CLNK: variants seen among roughly 807,000 people sequenced by gnomAD.
CLNK encodes the protein cytokine dependent hematopoietic cell linker.
Under a neutral mutation model 68.6 loss-of-function variants are expected in CLNK, and 74 were observed. That is an observed-to-expected ratio of 1.08 (90% CI 0.89 to 1.31). The LOEUF is 1.31. CLNK is among the 50% of genes most tolerant of loss of function. The pLI is 0.00. For synonymous variants in CLNK, 198 were observed against 172.2 expected (o/e 1.15, Z -1.17); for missense variants, 553 against 515.3 (o/e 1.07, Z -0.71).
At chr4:10,588,562 C>T (rs1721069232) in intron 3 of CLNK, among the ~76,000 whole-genome samples, 1 of 152,136 alleles carries the variant, frequency 6.6e-6, no homozygotes, top group Non-Finnish European at 1.5e-5. Flanking sequence ...AAGATAGGTT[C>T]AACTCTGGCT....
At chr4:10,522,533 C>T (rs1183928968) in intron 14 of CLNK, among the ~76,000 whole-genome samples, 1 of 139,732 alleles carries the variant, frequency 7.2e-6, no homozygotes, top group Non-Finnish European at 1.5e-5. Flanking sequence ...GAGATCGTAC[C>T]ACTGCACCCC....
At chr4:10,551,805 G>A (rs1219143364) in intron 8 of CLNK, among the ~76,000 whole-genome samples, 2 of 151,420 alleles carry the variant, frequency 1.3e-5, no homozygotes, top group African/African-American at 2.4e-5. Flanking sequence ...TCCCCTCTAT[G>A]TAAAACTGCC....
intron 17 of CLNK, among the ~76,000 whole-genome samples, chr4:10,506,731 T>C (rs944570942): frequency 1.3e-5 from 2 of 152,234 alleles, no homozygotes; most frequent in Non-Finnish European, 2.9e-5. Flanking sequence ...CATGGGAAGT[T>C]ATTTAGAAAC....
At chr4:10,698,155 G>A in the CLNK span, among the ~76,000 whole-genome samples, 5 of 152,108 alleles carry the variant, frequency 3.3e-5, no homozygotes, top group African/African-American at 4.8e-5. Flanking sequence ...TGTCTATATA[G>A]TCATGTGTCT....
intron 2 of CLNK, among the ~76,000 whole-genome samples, chr4:10,660,429 T>C (rs868081999): frequency 1.5e-4 from 23 of 152,332 alleles, no homozygotes; most frequent in Middle Eastern, 3.4e-3. Context: ...AAATATCCAA[T>C]ACCATTTACC....
chr4:10,570,370 A>G (rs1252054433), intron 5 of CLNK, among the ~76,000 whole-genome samples: 1 of 152,148 alleles, frequency 6.6e-6, no homozygotes, highest in Non-Finnish European at 1.5e-5. Flanking sequence ...GAGTAAATGT[A>G]AGTGTTTTGG....
intron 16 of CLNK, among the ~76,000 whole-genome samples, chr4:10,510,177 T>G (rs957553953): frequency 2.0e-4 from 31 of 152,286 alleles, no homozygotes; most frequent in African/African-American, 7.2e-4. Context: ...GTGTGGCTGG[T>G]GAGTGTAGCT....
At chr4:10,537,483 A>T (rs1359720793) in intron 11 of CLNK, among the ~76,000 whole-genome samples, 1 of 152,060 alleles carries the variant, frequency 6.6e-6, no homozygotes, top group Non-Finnish European at 1.5e-5. Context: ...ATCTCAAAAA[A>T]ATATATACAG....
At chr4:10,558,811 A>G (rs989638283) in intron 7 of CLNK, among the ~76,000 whole-genome samples, 1 of 152,134 alleles carries the variant, frequency 6.6e-6, no homozygotes, top group Non-Finnish European at 1.5e-5. Context: ...AGATCCATCT[A>G]TGGGATCAGG....
At chr4:10,502,530 C>T (rs750788283) in intron 17 of CLNK, among the ~76,000 whole-genome samples, 9 of 151,896 alleles carry the variant, frequency 5.9e-5, no homozygotes, top group African/African-American at 1.2e-4. Flanking sequence ...TCTTCTCCTG[C>T]CCCCTTCTTG....
intron 2 of CLNK, among the ~76,000 whole-genome samples, chr4:10,643,489 C>G (rs1723391286): frequency 6.6e-6 from 1 of 152,230 alleles, no homozygotes; most frequent in Non-Finnish European, 1.5e-5. Context: ...CTTTTGCCTG[C>G]TGCTTCTATC....
At chr4:10,591,083 A>G (rs772829237) in intron 3 of CLNK, among the ~76,000 whole-genome samples, 63 of 152,310 alleles carry the variant, frequency 4.1e-4, no homozygotes, top group Non-Finnish European at 8.8e-4. Context: ...TGGTTTGGAA[A>G]TGCACAGTGT....
At chr4:10,497,117 T>C (rs1453615905) in intron 18 of CLNK, among the ~76,000 whole-genome samples, 1 of 152,216 alleles carries the variant, frequency 6.6e-6, no homozygotes, top group East Asian at 1.9e-4. Context: ...GCTGTGACTT[T>C]GGGCCAGATA....
At chr4:10,536,373 C>A (rs1053344180) in intron 11 of CLNK, among the ~76,000 whole-genome samples, 1 of 152,212 alleles carries the variant, frequency 6.6e-6, no homozygotes, top group Non-Finnish European at 1.5e-5. Flanking sequence ...TTACATGGGA[C>A]TTGGGCATCA....
chr4:10,596,269 CCTGCCTCAGCCTCCCAAAGTG>C (rs1721381400), intron 3 of CLNK, among the ~76,000 whole-genome samples: 3 of 152,208 alleles, frequency 2.0e-5, no homozygotes, highest in Non-Finnish European at 4.4e-5. Context: ...AGGTGATCCG[CCTGCCTCAGCCTCCCAAAGTG>C]CTGGGATTAC....
chr4:10,496,227 A>T (rs1027366453), intron 18 of CLNK, among the ~76,000 whole-genome samples: 1 of 152,268 alleles, frequency 6.6e-6, no homozygotes, highest in African/African-American at 2.4e-5. Flanking sequence ...TGAAATTAAA[A>T]TAATCTTTGA....
chr4:10,689,711 A>G (rs556400930), upstream of CLNK, among the ~76,000 whole-genome samples: 41 of 142,718 alleles, frequency 2.9e-4, no homozygotes, highest in African/African-American at 8.9e-4. Context: ...CCTAGTTCAG[A>G]GTGCTATCTC....
At chr4:10,701,713 A>C in the CLNK span, among the ~76,000 whole-genome samples, 2 of 152,250 alleles carry the variant, frequency 1.3e-5, no homozygotes, top group Admixed American at 6.5e-5. Context: ...TCTGTGAGGT[A>C]GATGAATGAT....
chr4:10,699,512 A>ATATATATATATTTTT, the CLNK span, among the ~76,000 whole-genome samples: 5 of 32,756 alleles, frequency 1.5e-4, no homozygotes, highest in Admixed American at 4.8e-4. Flanking sequence ...ATATATATAT[A>ATATATATATATTTTT]TTTTTTTTTT....
Sources: gnomAD v4.1 joint callset for allele counts (sites outside exome capture counted in the v4.1 genomes callset) on GRCh38, gnomAD v4.1.1 for gene constraint, MANE v1.5 for transcripts, NCBI Gene and HGNC (gene_info 2026-07-23, HGNC 2026-07-21) for gene names.